Variants in KLHDC1 observed in about 807,000 individuals in gnomAD.
KLHDC1 encodes the protein kelch domain containing 1, also known as kelch domain-containing protein 1.
A neutral mutation model predicts 68.3 loss-of-function variants in KLHDC1; 53 were observed. That is an observed-to-expected ratio of 0.78 (90% CI 0.62 to 0.98). The LOEUF (loss-of-function observed/expected upper bound fraction) is 0.98, where lower values mean the gene tolerates loss of function less well. Among genes scored for constraint, KLHDC1 ranks in the 50% least tolerant of loss-of-function variants. The pLI is 0.00. For synonymous variants in KLHDC1, 148 were observed against 159.0 expected, an observed-to-expected ratio of 0.93 and a Z score of 0.52; for missense variants, 470 against 492.3, an observed-to-expected ratio of 0.95 and a Z score of 0.43.
At chr14:49,739,818 A>C (rs2139765002) in intron 10 of KLHDC1, among the ~76,000 whole-genome samples, 1 of 152,286 alleles carries the variant, frequency 6.6e-6, no homozygotes, top group African/African-American at 2.4e-5. Flanking sequence ...TAGGAGACCG[A>C]GGCAGGAGGA....
At chr14:49,710,183 A>G in intron 3 of KLHDC1, 80 bp from the exon 4 acceptor site, 1 of 757,716 alleles carries the variant, frequency 1.3e-6, no homozygotes. Flanking sequence ...TAATAGTATT[A>G]ATTCTTGGAT....
At chr14:49,709,673 G>A in intron 2 of KLHDC1, 36 bp from the exon 3 acceptor site, 1 of 1,242,322 alleles carries the variant, frequency 8.0e-7, no homozygotes, top group Non-Finnish European at 1.1e-6. Context: ...TTGCCTTTCT[G>A]GAAAGTTATG....
At chr14:49,735,236 A>G (rs2139761618) in intron 10 of KLHDC1, among the ~76,000 whole-genome samples, 1 of 152,032 alleles carries the variant, frequency 6.6e-6, no homozygotes, top group African/African-American at 2.4e-5. Context: ...AGAAAACCAC[A>G]TTTGTACTAT....
At chr14:49,727,444 A>G (rs930867662) in intron 6 of KLHDC1, among the ~76,000 whole-genome samples, 3 of 152,144 alleles carry the variant, frequency 2.0e-5, no homozygotes, top group African/African-American at 7.2e-5. Context: ...AGCAGGTCGT[A>G]TATGCACAGT....
At chr14:49,744,233 T>C (rs1889136986) in intron 12 of KLHDC1, among the ~76,000 whole-genome samples, 1 of 151,968 alleles carries the variant, frequency 6.6e-6, no homozygotes, top group African/African-American at 2.4e-5. Context: ...TGAGGCTGCG[T>C]TGAGCTATGA....
chr14:49,702,532 GACCAGAATATAA>G (rs529855458), intron 1 of KLHDC1, among the ~76,000 whole-genome samples: 107 of 152,128 alleles, frequency 7.0e-4, no homozygotes, highest in Non-Finnish European at 1.2e-3. Context: ...CTTTTTAAAT[GACCAGAATATAA>G]ACCACCTTTC....
intron 11 of KLHDC1, among the ~76,000 whole-genome samples, chr14:49,742,390 C>T (rs975214608): frequency 2.7e-5 from 4 of 150,312 alleles, no homozygotes; most frequent in African/African-American, 9.8e-5. Context: ...CCGGGGAGGG[C>T]TGGGCGTGGT....
chr14:49,725,892 G>C, intron 6 of KLHDC1, 123 bp downstream of exon 6: 1 of 550,586 alleles, frequency 1.8e-6, no homozygotes, highest in Non-Finnish European at 3.2e-6. Context: ...CTGTTGCCCA[G>C]GCTGGAGTAC....
chr14:49,707,297 T>TGTGTGTGA (rs926974146), intron 1 of KLHDC1, among the ~76,000 whole-genome samples: 17 of 120,828 alleles, frequency 1.4e-4, no homozygotes, highest in African/African-American at 5.3e-4. Flanking sequence ...TGTGTGTGTG[T>TGTGTGTGA]GAGAGAGAGA....
chr14:49,728,237 C>T (rs1193651224), intron 6 of KLHDC1, among the ~76,000 whole-genome samples: 6 of 152,248 alleles, frequency 3.9e-5, no homozygotes, highest in Admixed American at 3.3e-4. Flanking sequence ...GCAGGAGAAT[C>T]GCATAAACCC....
At chr14:49,707,272 ATGTGTGTG>A (rs749232051) in intron 1 of KLHDC1, among the ~76,000 whole-genome samples, 6 of 138,382 alleles carry the variant, frequency 4.3e-5, no homozygotes, top group Admixed American at 1.5e-4. Flanking sequence ...TTCTATTTTT[ATGTGTGTG>A]TGTGTGTGTG....
Position 49,724,566 on chromosome 14 carries a change from C to T in KLHDC1, c.483+614C>T, listed in dbSNP as rs1046280695. On this transcript the variant is annotated intron_variant, in intron 5 of 12. Transcript: ENST00000359332. ...ATATATATGTGTATATATATATATA[C>T]ACACACACACATTTCATGTATATTG... 1.0e-4 allele frequency among the ~76,000 whole-genome samples: 15 copies of T among 150,030 alleles called. 1 individual carries two copies. The highest frequency in any genetic ancestry group is 3.0e-4 in the African/African-American group (12 of 40,476).
chr14:49,730,937 A>C (rs1888792299), intron 8 of KLHDC1, among the ~76,000 whole-genome samples: 1 of 152,068 alleles, frequency 6.6e-6, no homozygotes, highest in Non-Finnish European at 1.5e-5. Context: ...GTGCCACTGC[A>C]CTCCAGCCTG....
chr14:49,716,968 A>G (rs1451994181), intron 4 of KLHDC1, among the ~76,000 whole-genome samples: 1 of 152,214 alleles, frequency 6.6e-6, no homozygotes, highest in African/African-American at 2.4e-5. Context: ...AAATTGAATC[A>G]TAAAATGTTT....
chr14:49,721,087 T>C, intron 4 of KLHDC1, among the ~76,000 whole-genome samples: 1 of 152,212 alleles, frequency 6.6e-6, no homozygotes, highest in Admixed American at 6.5e-5. Context: ...TGTCTGATAA[T>C]TCCATTGTCT....
At chr14:49,744,520 G>A (rs1400665254) in intron 12 of KLHDC1, among the ~76,000 whole-genome samples, 1 of 151,820 alleles carries the variant, frequency 6.6e-6, no homozygotes, top group African/African-American at 2.4e-5. Flanking sequence ...TGTGGGGATC[G>A]GTTCCAGGAA....
At chr14:49,747,008 G>A (rs1174522303) in intron 12 of KLHDC1, among the ~76,000 whole-genome samples, 2 of 146,486 alleles carry the variant, frequency 1.4e-5, no homozygotes, top group African/African-American at 5.1e-5. Flanking sequence ...AGTGCAGTAC[G>A]CGATCTCAGC....
At chr14:49,741,444 T>C (rs574617145) in intron 11 of KLHDC1, among the ~76,000 whole-genome samples, 1 of 152,118 alleles carries the variant, frequency 6.6e-6, no homozygotes, top group Non-Finnish European at 1.5e-5. Flanking sequence ...TAGCTGGGAT[T>C]ACAGGCGTGT....
At chr14:49,694,524 T>C (rs1286524323) in intron 1 of KLHDC1, among the ~76,000 whole-genome samples, 1 of 152,108 alleles carries the variant, frequency 6.6e-6, no homozygotes, top group Non-Finnish European at 1.5e-5. Flanking sequence ...CATTGTAGTG[T>C]GTTAAGCATG....
Sources: allele counts gnomAD v4.1 joint callset (sites outside exome capture counted in the v4.1 genomes callset), GRCh38; gene constraint gnomAD v4.1.1; transcripts MANE v1.5; gene names NCBI Gene and HGNC (gene_info 2026-07-23, HGNC 2026-07-21).